The following CEBPZOS variants were observed in gnomAD, a reference collection of about 807,000 sequenced individuals.
CEBPZOS encodes CEBPZ opposite strand, also known as protein CEBPZOS.
In CEBPZOS, 10 loss-of-function variants were observed where a neutral mutation model predicts 4.8. The observed-to-expected ratio is 2.07, with a 90% CI of 1.28 to 3.52. The LOEUF (loss-of-function observed/expected upper bound fraction) is 3.52, where lower values mean the gene tolerates loss of function less well. Among genes scored for constraint, CEBPZOS ranks in the 30% most tolerant of loss-of-function variants. The probability of loss-of-function intolerance (pLI) is 0.00; values close to 1 mark genes in which losing one functional copy is unlikely to be tolerated. For missense variants in CEBPZOS, 98 were observed against 43.6 expected, an observed-to-expected ratio of 2.25 and a Z score of -3.51; for synonymous variants, 25 against 14.2, an observed-to-expected ratio of 1.77 and a Z score of -1.72.
At chr2:37,200,938 T>A in intron 2 of CEBPZOS, 110 bp from the exon 3 acceptor site, 1 of 621,782 alleles carries the variant, frequency 1.6e-6, no homozygotes, top group East Asian at 2.9e-5. Context: ...AAATTTCTAA[T>A]CTATATGGTT....
intron 1 of CEBPZOS, among the ~76,000 whole-genome samples, chr2:37,199,075 G>A (rs1677084771): frequency 6.6e-6 from 1 of 152,266 alleles, no homozygotes; most frequent in South Asian, 2.1e-4. Context: ...GATTGTTTGA[G>A]CCCAGTGAGC....
At chr2:37,201,562 A>C in intron 3 of CEBPZOS, 80 bp from the exon 4 acceptor site, 1 of 640,980 alleles carries the variant, frequency 1.6e-6, no homozygotes, top group Non-Finnish European at 2.8e-6. Context: ...TATGGAAAAA[A>C]GAAGTTGTTT....
chr2:37,199,036 C>T (rs982880389), intron 1 of CEBPZOS, among the ~76,000 whole-genome samples: 5 of 152,112 alleles, frequency 3.3e-5, no homozygotes, highest in Non-Finnish European at 5.9e-5. Context: ...TGCCAGTGGT[C>T]CCAGCTGCTC....
At chr2:37,207,245 C>G (rs1677570108), downstream of CEBPZOS, among the ~76,000 whole-genome samples, 1 of 152,156 alleles carries the variant, frequency 6.6e-6, no homozygotes, top group Admixed American at 6.5e-5. Flanking sequence ...GACGGGTCAT[C>G]AAGACAGAAA....
rs763186990 is a variant in CEBPZOS at position 37,202,239 on chromosome 2, G to GT, written c.*393dup. The GT allele has an allele frequency of 0.04, 5,720 of 142,428 alleles. 119 individuals carry two copies. The highest frequency in any genetic ancestry group is 0.057 in the Non-Finnish European group (3,797 of 66,952). The allele number at this position is 142,428 out of a possible 1,614,324, so 8.8% of individuals were successfully genotyped here. A position where few individuals can be genotyped will look rare whatever the true frequency, so the allele number is the denominator to read the frequency against. ...AAAAGTAATTTTTGTAGTCTGCAAGGTTTTTTTTTTTTTTGCTTTAGTCTA... is the reference window on the plus strand; with the variant it reads ...AAAAGTAATTTTTGTAGTCTGCAAGGTTTTTTTTTTTTTTTGCTTTAGTCTA... On this transcript the variant is annotated 3_prime_UTR_variant, in exon 5 of 5. Coordinates refer to ENST00000402297, the MANE Select transcript of CEBPZOS (RefSeq NM_001322374.2).
At chr2:37,201,838 T>G in intron 4 of CEBPZOS, 25 bp from the exon 5 acceptor site, 1 of 1,611,582 alleles carries the variant, frequency 6.2e-7, no homozygotes, top group Non-Finnish European at 8.5e-7. Context: ...TTCTTGATGA[T>G]ACTTTTTGCA....
rs1677712015 is a variant in CEBPZOS, at chr2:37,211,254, C to CT, written c.*3-2182dup. On this transcript the variant is annotated intron_variant, in intron 4 of 4. Transcript: ENST00000397064. ...TTGAGGACAGACTGAGAAAAAGACT[C>CT]TAAGAATTGGCACAGTTCTAATATT... 6.8e-6 allele frequency: 3 copies of CT among 439,772 alleles called. No individual in the cohort carries two copies. In the Admixed American group the frequency reaches 1.2e-4, roughly 18 times the overall value. The allele number at this position is 439,772 out of a possible 1,614,324, so 27.2% of individuals were successfully genotyped here. A position where few individuals can be genotyped will look rare whatever the true frequency, so the allele number is the denominator to read the frequency against.
chr2:37,210,806 G>T, intron 4 of CEBPZOS: 2 of 473,310 alleles, frequency 4.2e-6, no homozygotes, highest in Non-Finnish European at 7.5e-6. Flanking sequence ...ATGAAAAGAT[G>T]ATCCAGAGAT....
At chr2:37,196,740 GT>G (rs1218884859) in intron 1 of CEBPZOS, 2 of 152,346 alleles carry the variant, frequency 1.3e-5, no homozygotes, top group East Asian at 3.9e-4. Context: ...GCCCGCGCGT[GT>G]CGCCTGCAGG....
downstream of CEBPZOS, chr2:37,215,040 G>A (rs577211983): frequency 2.4e-6 from 2 of 826,770 alleles, no homozygotes; most frequent in Admixed American, 2.2e-5. Context: ...AGCATAATCT[G>A]TAATTCTAAA....
downstream of CEBPZOS, among the ~76,000 whole-genome samples, chr2:37,205,060 G>A (rs982405966): frequency 8.5e-5 from 13 of 152,090 alleles, no homozygotes; most frequent in Admixed American, 4.6e-4. Flanking sequence ...GATACTCAAG[G>A]GAAGACAAAA....
At chr2:37,211,297 T>A in intron 4 of CEBPZOS, 3 of 380,690 alleles carry the variant, frequency 7.9e-6, no homozygotes, top group Non-Finnish European at 1.4e-5. Context: ...AGTACAAAAT[T>A]TTCTAAATAG....
At chr2:37,199,923 G>C (rs910007056) in intron 2 of CEBPZOS, 104 bp downstream of exon 2, 1 of 634,406 alleles carries the variant, frequency 1.6e-6, no homozygotes, top group Non-Finnish European at 2.9e-6. Flanking sequence ...TGGTTCTTCA[G>C]ATTCAAGATA....
At chr2:37,205,520 T>C (rs1427359895), downstream of CEBPZOS, among the ~76,000 whole-genome samples, 1 of 152,134 alleles carries the variant, frequency 6.6e-6, no homozygotes, top group East Asian at 1.9e-4. Context: ...GCCCCACCCC[T>C]ATCTCCCTTC....
chr2:37,214,416 C>T (rs182067688), downstream of CEBPZOS, among the ~76,000 whole-genome samples: 14 of 152,100 alleles, frequency 9.2e-5, no homozygotes, highest in African/African-American at 2.7e-4. Context: ...ATTCTAAGGG[C>T]CATGGTCTGG....
chr2:37,211,057 A>G, intron 4 of CEBPZOS: 1 of 1,611,668 alleles, frequency 6.2e-7, no homozygotes, highest in Non-Finnish European at 8.5e-7. Context: ...TTTTCTTAGT[A>G]CTGACTTTGG....
chr2:37,212,139 G>T, intron 4 of CEBPZOS: 1 of 1,138,402 alleles, frequency 8.8e-7, no homozygotes. Flanking sequence ...GACTCAGAAG[G>T]AGAAAGCTTT....
At chr2:37,213,918 C>T, downstream of CEBPZOS, 2 of 1,594,012 alleles carry the variant, frequency 1.3e-6, no homozygotes, top group Non-Finnish European at 1.7e-6. Context: ...TCTTCATCTG[C>T]ATCCCGTTTT....
At chr2:37,207,044 A>C (rs1283010822), downstream of CEBPZOS, among the ~76,000 whole-genome samples, 1 of 152,212 alleles carries the variant, frequency 6.6e-6, no homozygotes, top group East Asian at 1.9e-4. Context: ...AACAACAGTT[A>C]AAAAAGACAA....
Sources: allele counts gnomAD v4.1 joint callset (sites outside exome capture counted in the v4.1 genomes callset), GRCh38; gene constraint gnomAD v4.1.1; transcripts MANE v1.5; gene names NCBI Gene and HGNC (gene_info 2026-07-23, HGNC 2026-07-21).